Variants in KLHL13 observed in about 807,000 individuals in gnomAD.
The protein encoded by KLHL13 is kelch-like protein 13.
A neutral mutation model predicts 37.1 loss-of-function variants in KLHL13; 10 were observed. The observed-to-expected ratio is 0.27, with a 90% CI of 0.17 to 0.46. The LOEUF (loss-of-function observed/expected upper bound fraction) is 0.46, where lower values mean the gene tolerates loss of function less well. Ranked by LOEUF, KLHL13 falls within the 20% of genes least tolerant of loss-of-function variation. The pLI is 1.00. For synonymous variants in KLHL13, 163 were observed against 181.2 expected (o/e 0.90, Z 0.81); for missense variants, 360 against 509.3 (o/e 0.71, Z 2.82).
intron 1 of KLHL13, among the ~76,000 whole-genome samples, chrX:117,986,369 A>G (rs1337876924): frequency 8.9e-6 from 1 of 111,835 alleles, no homozygotes; most frequent in Non-Finnish European, 1.9e-5. Flanking sequence ...ATATTACTGA[A>G]AAGTGGGTAC....
intron 1 of KLHL13, among the ~76,000 whole-genome samples, chrX:118,032,961 C>T (rs1035204689): frequency 1.1e-4 from 12 of 111,014 alleles, no homozygotes; most frequent in East Asian, 2.8e-4. Flanking sequence ...CCTCAGGAGC[C>T]GATGCGATCA....
At chrX:118,031,577 A>G (rs1172936023) in intron 1 of KLHL13, among the ~76,000 whole-genome samples, 29 of 84,511 alleles carry the variant, frequency 3.4e-4, no homozygotes, top group African/African-American at 1.3e-3. Flanking sequence ...TATATTAGTT[A>G]TATATATATT....
chrX:118,082,794 AC>A (rs780252015), intron 1 of KLHL13, among the ~76,000 whole-genome samples: 1 of 111,587 alleles, frequency 9.0e-6, no homozygotes, highest in South Asian at 3.7e-4. Flanking sequence ...ATAAGGGTCT[AC>A]TTTTCATTTT....
At chrX:118,100,121 C>T (rs1489103333) in intron 1 of KLHL13, among the ~76,000 whole-genome samples, 1 of 111,249 alleles carries the variant, frequency 9.0e-6, no homozygotes, top group Non-Finnish European at 1.9e-5. Flanking sequence ...CTAAAGAGAG[C>T]TCTGCTTATT....
intron 1 of KLHL13, among the ~76,000 whole-genome samples, chrX:117,959,888 G>A (rs1372768958): frequency 9.0e-6 from 1 of 111,591 alleles, no homozygotes; most frequent in Non-Finnish European, 1.9e-5. Context: ...CAGCTGCGGT[G>A]AGAGACTTAA....
chrX:117,993,617 C>A (rs2053819184), intron 1 of KLHL13, among the ~76,000 whole-genome samples: 2 of 111,166 alleles, frequency 1.8e-5, no homozygotes, highest in South Asian at 7.6e-4. Context: ...TACTATGCTA[C>A]CTTTAAATGT....
chrX:118,074,714 G>T (rs781640157), intron 1 of KLHL13, among the ~76,000 whole-genome samples: 10 of 111,635 alleles, frequency 9.0e-5, no homozygotes, highest in African/African-American at 3.3e-4. Context: ...AGTCATTTTT[G>T]ATTCAATGCC....
intron 1 of KLHL13, among the ~76,000 whole-genome samples, chrX:118,096,385 G>C (rs1340485197): frequency 8.9e-6 from 1 of 111,732 alleles, no homozygotes; most frequent in African/African-American, 3.3e-5. Flanking sequence ...CCAGGAAGAA[G>C]TTGAATCTCT....
chrX:118,109,952 T>C (rs2055389343), intron 1 of KLHL13, among the ~76,000 whole-genome samples: 1 of 110,963 alleles, frequency 9.0e-6, no homozygotes, highest in South Asian at 3.8e-4. Context: ...AGCATGAGGA[T>C]CACTTGAGGC....
chrX:118,042,214 T>A (rs2054513449), intron 1 of KLHL13, among the ~76,000 whole-genome samples: 1 of 111,593 alleles, frequency 9.0e-6, no homozygotes, highest in Non-Finnish European at 1.9e-5. Context: ...GAGTAAATAT[T>A]ATTAGACCTA....
At chrX:117,963,935 C>T (rs1365635981) in intron 1 of KLHL13, among the ~76,000 whole-genome samples, 2 of 92,241 alleles carry the variant, frequency 2.2e-5, no homozygotes, top group South Asian at 1.3e-3. Flanking sequence ...AGTAAACTAT[C>T]GCAAGAACAA....
intron 1 of KLHL13, among the ~76,000 whole-genome samples, chrX:118,010,200 G>C (rs1160288575): frequency 1.1e-5 from 1 of 93,253 alleles, no homozygotes; most frequent in Non-Finnish European, 2.1e-5. Context: ...CAGGGATCTA[G>C]AACTAGAAAT....
upstream of KLHL13, among the ~76,000 whole-genome samples, chrX:117,974,538 T>C (rs1035575390): frequency 1.8e-4 from 20 of 112,074 alleles, no homozygotes; most frequent in Non-Finnish European, 3.6e-4. Context: ...CACATGAATG[T>C]TTCTACAGTA....
chrX:117,918,503 A>G (rs1931499340), intron 4 of KLHL13, among the ~76,000 whole-genome samples: 1 of 111,689 alleles, frequency 9.0e-6, no homozygotes, highest in South Asian at 3.8e-4. Flanking sequence ...AATGAGTTAG[A>G]AAATATACCA....
At chrX:117,973,844 C>A, upstream of KLHL13, 1 of 483,174 alleles carries the variant, frequency 2.1e-6, no homozygotes, top group Non-Finnish European at 2.5e-6. Flanking sequence ...CCCCTCCCTC[C>A]CCCGCAGACA....
At chrX:118,091,505 C>T (rs2055134291) in intron 1 of KLHL13, among the ~76,000 whole-genome samples, 1 of 110,589 alleles carries the variant, frequency 9.0e-6, no homozygotes. Context: ...TAATAAAATA[C>T]CCAACAGATA....
At chrX:118,033,955 A>G (rs9698716) in intron 1 of KLHL13, among the ~76,000 whole-genome samples, 2,317 of 98,477 alleles carry the variant, frequency 0.024, 85 homozygotes, top group African/African-American at 0.087. Context: ...TCTCTGATAA[A>G]ACAGACTTTA....
chrX:118,015,459 C>T (rs1004978560), intron 1 of KLHL13, among the ~76,000 whole-genome samples: 1 of 110,934 alleles, frequency 9.0e-6, no homozygotes, highest in South Asian at 3.7e-4. Flanking sequence ...AAAATTGAGA[C>T]TCGAGCTATA....
At chrX:118,047,157 G>A (rs971192041) in intron 1 of KLHL13, among the ~76,000 whole-genome samples, 1 of 110,877 alleles carries the variant, frequency 9.0e-6, no homozygotes, top group African/African-American at 3.3e-5. Context: ...AAAAAGCAGA[G>A]GTTATCCACT....
Sources: gnomAD v4.1 joint callset for allele counts (sites outside exome capture counted in the v4.1 genomes callset) on GRCh38, gnomAD v4.1.1 for gene constraint, MANE v1.5 for transcripts, NCBI Gene and HGNC (gene_info 2026-07-23, HGNC 2026-07-21) for gene names.